The following ACVR2B variants were observed in gnomAD, a reference collection of about 807,000 sequenced individuals.
ACVR2B encodes activin A receptor type 2B.
ACVR2B carries 18 observed loss-of-function variants against 65.1 expected under a neutral mutation model. That is an observed-to-expected ratio of 0.28 (90% CI 0.19 to 0.41). The LOEUF (loss-of-function observed/expected upper bound fraction) is 0.41, where lower values mean the gene tolerates loss of function less well. Ranked by LOEUF, ACVR2B falls within the 10% of genes least tolerant of loss-of-function variation. The pLI is 1.00. For synonymous variants in ACVR2B, 298 were observed against 277.7 expected, an observed-to-expected ratio of 1.07 and a Z score of -0.73; for missense variants, 482 against 682.7, an observed-to-expected ratio of 0.71 and a Z score of 3.28.
intron 1 of ACVR2B, among the ~76,000 whole-genome samples, chr3:38,455,896 T>G (rs922212939): frequency 1.3e-5 from 2 of 152,192 alleles, no homozygotes; most frequent in African/African-American, 2.4e-5. Context: ...GCAGCCCACC[T>G]GACTGCCTCC....
chr3:38,454,979 G>A (rs1308226720), intron 1 of ACVR2B, among the ~76,000 whole-genome samples: 4 of 152,052 alleles, frequency 2.6e-5, no homozygotes, highest in African/African-American at 9.7e-5. Context: ...TCGCTTCGCG[G>A]GACCGCTTTG....
At chr3:38,476,955 C>A (rs899396513) in intron 1 of ACVR2B, 2 of 434,800 alleles carry the variant, frequency 4.6e-6, no homozygotes, top group Admixed American at 7.2e-5. Flanking sequence ...GGTGTTGGTG[C>A]CCTTTCTGTG....
intron 1 of ACVR2B, chr3:38,474,427 G>A (rs1709872000): frequency 6.6e-6 from 1 of 152,458 alleles, no homozygotes; most frequent in African/African-American, 2.4e-5. Flanking sequence ...GGCCATCCTT[G>A]TTGTCCCCTC....
At chr3:38,472,050 A>G (rs866935664) in intron 1 of ACVR2B, among the ~76,000 whole-genome samples, 4 of 152,116 alleles carry the variant, frequency 2.6e-5, no homozygotes, top group Non-Finnish European at 4.4e-5. Flanking sequence ...TTTCTCCCCT[A>G]TTGTACATGC....
In ACVR2B at chr3:38,492,022, A is replaced by G. The variant is rs919990083; in HGVS notation, c.*8690A>G. The stretch of plus-strand genomic sequence containing the variant: ...TCCTTGAATCTGAATAACTTTATAC[A>G]GTACTGTAAATTTAACTTACATCGA... On this transcript the variant is annotated 3_prime_UTR_variant, in exon 11 of 11. Coordinates refer to ENST00000352511, the MANE Select transcript of ACVR2B (RefSeq NM_001106.4). The G allele has an allele frequency of 6.6e-6, 1 of 152,244 alleles. No individual in the cohort carries two copies. The highest frequency in any genetic ancestry group is 1.9e-4 in the East Asian group (1 of 5,198). The allele number at this position is 152,244 out of a possible 1,614,324, so 9.4% of individuals were successfully genotyped here. A position where few individuals can be genotyped will look rare whatever the true frequency, so the allele number is the denominator to read the frequency against.
intron 1 of ACVR2B, among the ~76,000 whole-genome samples, chr3:38,469,098 G>A (rs1709779391): frequency 6.6e-6 from 1 of 152,148 alleles, no homozygotes; most frequent in Non-Finnish European, 1.5e-5. Context: ...CTGTCACCTT[G>A]GAAGGTGCTC....
rs1709503239 is a variant in ACVR2B at position 38,454,334 on chromosome 3, C to G, written c.12C>G (p.Pro4=). The change falls in exon 1 of 11, where the codon CCC becomes CCG. Residue 4 remains proline (P), a synonymous_variant. Coordinates refer to ENST00000352511, the MANE Select transcript of ACVR2B (RefSeq NM_001106.4). MTA[P]WVALALLWGS... ...CGGCGCCGCGGAACATGACGGCGCC[C>G]TGGGTGGCCCTCGCCCTCCTCTGGG... The G allele has an allele frequency of 7.7e-7, 1 of 1,300,520 alleles. No homozygotes were observed. The highest frequency in any genetic ancestry group is 2.9e-4 in the Middle Eastern group (1 of 3,466). 80.6% of individuals were successfully genotyped at this position (1,300,520 alleles called of 1,614,324 possible).
rs1710178865 is a variant in ACVR2B at position 38,489,598 on chromosome 3, G to A, written c.*6266G>A. 1 of 152,624 alleles carries A rather than the reference G, an allele frequency of 6.6e-6. No homozygotes were observed. The highest frequency in any genetic ancestry group is 2.1e-4 in the South Asian group (1 of 4,830). 9.5% of individuals were successfully genotyped at this position (152,624 alleles called of 1,614,324 possible). A position where few individuals can be genotyped will look rare whatever the true frequency, so the allele number is the denominator to read the frequency against. On this transcript the variant is annotated 3_prime_UTR_variant, in exon 11 of 11. Transcript: ENST00000352511. ...GGCCTGCAATGTGTTTTACATTGGT[G>A]CTTCCTCCTGAGATTTCTGTTGAAC...
intron 1 of ACVR2B, among the ~76,000 whole-genome samples, chr3:38,463,453 G>C (rs898063019): frequency 1.3e-5 from 2 of 152,210 alleles, no homozygotes; most frequent in African/African-American, 4.8e-5. Flanking sequence ...AAGGAGCTCT[G>C]GTGAGTTTCT....
chr3:38,491,964 A>G lies in ACVR2B; in HGVS notation c.*8632A>G, dbSNP rs1419436255. ...ATCTTAATGGTAGTGTCAAAGGCCA[A>G]GTTTTTCACCTGTTAATATTTTTCC... is the stretch of plus-strand genomic sequence containing the variant. On this transcript the variant is annotated 3_prime_UTR_variant, in exon 11 of 11. Transcript: ENST00000352511. 6.6e-6 allele frequency: 1 copy of G among 152,232 alleles called. No individual in the cohort carries two copies. The highest frequency in any genetic ancestry group is 2.4e-5 in the African/African-American group (1 of 41,454). 9.4% of individuals were successfully genotyped at this position (152,232 alleles called of 1,614,324 possible).
chr3:38,454,500 C>A, intron 1 of ACVR2B, 126 bp downstream of exon 1: 1 of 876,062 alleles, frequency 1.1e-6, no homozygotes, highest in Non-Finnish European at 1.5e-6. Flanking sequence ...ATTCAGCCCT[C>A]ACCTCCGGGG....
chr3:38,454,403 C>G (rs1370745723), intron 1 of ACVR2B, 29 bp downstream of exon 1: 5 of 1,245,302 alleles, frequency 4.0e-6, no homozygotes, highest in African/African-American at 1.6e-5. Flanking sequence ...GCGGGGACGC[C>G]GAGAGGGCGC....
intron 1 of ACVR2B, among the ~76,000 whole-genome samples, chr3:38,463,733 A>G (rs973537466): frequency 4.6e-5 from 7 of 152,236 alleles, no homozygotes; most frequent in African/African-American, 1.7e-4. Context: ...CACATTATAC[A>G]TATGATGTGC....
intron 10 of ACVR2B, among the ~76,000 whole-genome samples, 183 bp from the exon 11 acceptor site, chr3:38,482,955 T>C (rs1289273602): frequency 1.3e-5 from 2 of 152,186 alleles, no homozygotes; most frequent in South Asian, 2.1e-4. Flanking sequence ...ATGACTGCCA[T>C]GAAGGCAGGC....
intron 1 of ACVR2B, among the ~76,000 whole-genome samples, chr3:38,461,676 C>A (rs900377356): frequency 1.3e-5 from 2 of 152,050 alleles, no homozygotes; most frequent in African/African-American, 4.8e-5. Flanking sequence ...AAGTCACTTC[C>A]CCCATAACTA....
At chr3:38,460,888 G>T (rs959544362) in intron 1 of ACVR2B, among the ~76,000 whole-genome samples, 1 of 152,230 alleles carries the variant, frequency 6.6e-6, no homozygotes, top group African/African-American at 2.4e-5. Flanking sequence ...TCTGGAGAAG[G>T]AAAAGGAAGG....
chr3:38,475,569 T>C (rs1189236057), intron 1 of ACVR2B: 1 of 152,076 alleles, frequency 6.6e-6, no homozygotes, highest in African/African-American at 2.4e-5. Flanking sequence ...CAGAAAGGGG[T>C]TGGGTTTGAC....
rs1463810234 is a variant in ACVR2B, at chr3:38,489,838, G to C, written c.*6506G>C. On this transcript the variant is annotated 3_prime_UTR_variant, in exon 11 of 11. Coordinates refer to ENST00000352511, the MANE Select transcript of ACVR2B (RefSeq NM_001106.4). Reference sequence around the variant, plus strand: ...TAAGATCACATTATCCAGGTTGGGGGGCAGAATTACCCAGTTAAGTAATTG... The same window carrying C: ...TAAGATCACATTATCCAGGTTGGGGCGCAGAATTACCCAGTTAAGTAATTG... 6.6e-6 allele frequency: 1 copy of C among 152,138 alleles called. No individual in the cohort carries two copies. Among genetic ancestry groups the C allele is most frequent in the East Asian group, 1.9e-4 (1 of 5,194 alleles). 9.4% of individuals were successfully genotyped at this position (152,138 alleles called of 1,614,324 possible). A position where few individuals can be genotyped will look rare whatever the true frequency, so the allele number is the denominator to read the frequency against.
intron 7 of ACVR2B, 125 bp downstream of exon 7, chr3:38,479,951 C>A: frequency 7.6e-7 from 1 of 1,310,430 alleles, no homozygotes; most frequent in Non-Finnish European, 1.1e-6. Flanking sequence ...GCTGTGTGTC[C>A]GAGGCAGCTG....
Sources: gnomAD v4.1 joint callset for allele counts (sites outside exome capture counted in the v4.1 genomes callset) on GRCh38, gnomAD v4.1.1 for gene constraint, MANE v1.5 for transcripts, NCBI Gene and HGNC (gene_info 2026-07-23, HGNC 2026-07-21) for gene names.